CCDC178: variants seen among roughly 807,000 people sequenced by gnomAD.
CCDC178 encodes the protein coiled-coil domain-containing protein 178.
CCDC178 carries 126 observed loss-of-function variants against 117.4 expected under a neutral mutation model. That is an observed-to-expected ratio of 1.07 (90% CI 0.93 to 1.24). The LOEUF (loss-of-function observed/expected upper bound fraction) is 1.24. Among genes scored for constraint, CCDC178 ranks in the 50% most tolerant of loss-of-function variants. The pLI, the probability that CCDC178 is intolerant of heterozygous loss-of-function variation, is 0.00. For missense variants in CCDC178, 1,030 were observed against 986.9 expected, an observed-to-expected ratio of 1.04 and a Z score of -0.59; for synonymous variants, 283 against 313.4, an observed-to-expected ratio of 0.90 and a Z score of 1.02.
intron 15 of CCDC178, among the ~76,000 whole-genome samples, chr18:33,227,894 C>T (rs998901066): frequency 3.9e-5 from 6 of 151,966 alleles, no homozygotes; most frequent in South Asian, 2.1e-4. Context: ...TGCAACAATA[C>T]GTTTTGATAA....
At chr18:33,074,004 G>A (rs2145007260) in intron 21 of CCDC178, among the ~76,000 whole-genome samples, 1 of 152,100 alleles carries the variant, frequency 6.6e-6, no homozygotes, top group Admixed American at 6.6e-5. Context: ...CCCTATATTG[G>A]GAATGAGGCT....
At chr18:33,339,287 A>G (rs1435797681) in intron 9 of CCDC178, among the ~76,000 whole-genome samples, 3 of 152,114 alleles carry the variant, frequency 2.0e-5, no homozygotes, top group South Asian at 2.1e-4. Context: ...ATAGTAATCA[A>G]TAAAGGAAGC....
intron 5 of CCDC178, among the ~76,000 whole-genome samples, chr18:33,376,272 G>A (rs1351395050): frequency 6.6e-6 from 1 of 151,948 alleles, no homozygotes; most frequent in Non-Finnish European, 1.5e-5. Context: ...TGGTGTGTTG[G>A]GGGAGGGGCG....
chr18:33,183,874 C>T (rs1243861298), intron 20 of CCDC178, among the ~76,000 whole-genome samples: 2 of 152,054 alleles, frequency 1.3e-5, no homozygotes, highest in Non-Finnish European at 2.9e-5. Context: ...AGCAACAGAA[C>T]TTGTTATGAA....
At chr18:32,946,668 A>T (rs1033838901) in intron 22 of CCDC178, among the ~76,000 whole-genome samples, 2 of 149,684 alleles carry the variant, frequency 1.3e-5, no homozygotes, top group Non-Finnish European at 3.0e-5. Context: ...GAATTATAAT[A>T]ATTATTAACA....
intron 14 of CCDC178, among the ~76,000 whole-genome samples, chr18:33,262,032 G>A (rs1000215521): frequency 1.8e-4 from 27 of 151,958 alleles, no homozygotes; most frequent in Admixed American, 1.8e-3. Context: ...ACCAAACTAT[G>A]GGTTAGTAGA....
At chr18:33,435,844 C>T (rs1293119741) in intron 2 of CCDC178, among the ~76,000 whole-genome samples, 1 of 151,648 alleles carries the variant, frequency 6.6e-6, no homozygotes, top group East Asian at 1.9e-4. Flanking sequence ...AGAATGACTC[C>T]CATACCTCTG....
intron 20 of CCDC178, among the ~76,000 whole-genome samples, chr18:33,171,242 A>G (rs1190777284): frequency 1.3e-5 from 2 of 152,212 alleles, no homozygotes; most frequent in Admixed American, 1.3e-4. Context: ...AGCAGACACT[A>G]TTAAAAGGGA....
At chr18:33,049,099 C>T (rs576000808) in intron 21 of CCDC178, among the ~76,000 whole-genome samples, 5 of 152,114 alleles carry the variant, frequency 3.3e-5, no homozygotes, top group African/African-American at 1.2e-4. Flanking sequence ...AAAACTAAGA[C>T]CTAAAAAGGT....
intron 21 of CCDC178, among the ~76,000 whole-genome samples, chr18:33,065,393 TAAAAAG>T (rs980781606): frequency 3.9e-5 from 6 of 151,914 alleles, no homozygotes; most frequent in Non-Finnish European, 8.8e-5. Context: ...TTTATAATAA[TAAAAAG>T]AAAAAGAATG....
At chr18:33,179,078 A>AAAATATATATATATAT (rs71159804) in intron 20 of CCDC178, among the ~76,000 whole-genome samples, 1 of 55,850 alleles carries the variant, frequency 1.8e-5, no homozygotes, top group African/African-American at 1.1e-4. Flanking sequence ...AAAAAAAAAA[A>AAAATATATATATATAT]ATATATATAT....
chr18:33,203,737 G>C (rs1234196254), intron 20 of CCDC178, among the ~76,000 whole-genome samples: 1 of 152,036 alleles, frequency 6.6e-6, no homozygotes, highest in Admixed American at 6.6e-5. Context: ...TCCTTAAAAG[G>C]GTTCACATTA....
intron 2 of CCDC178, among the ~76,000 whole-genome samples, chr18:33,435,499 G>C (rs1300077963): frequency 6.6e-6 from 1 of 151,948 alleles, no homozygotes; most frequent in Non-Finnish European, 1.5e-5. Context: ...GATGATGCCA[G>C]AATAAATGAG....
chr18:32,970,564 C>T (rs2054904410), intron 22 of CCDC178, among the ~76,000 whole-genome samples: 1 of 151,894 alleles, frequency 6.6e-6, no homozygotes, highest in African/African-American at 2.4e-5. Flanking sequence ...GTCTGTTATG[C>T]AATTTTTAGT....
At chr18:33,348,790 A>C (rs1471682624) in intron 8 of CCDC178, 100 bp downstream of exon 8, 2 of 750,790 alleles carry the variant, frequency 2.7e-6, no homozygotes, top group African/African-American at 3.6e-5. Context: ...ATAATTATAA[A>C]ATTCTTAAAC....
At chr18:33,082,128 T>A (rs1474745114) in intron 21 of CCDC178, among the ~76,000 whole-genome samples, 1 of 152,150 alleles carries the variant, frequency 6.6e-6, no homozygotes, top group Non-Finnish European at 1.5e-5. Flanking sequence ...CCTCCCAAAA[T>A]CAATTAATTT....
intron 10 of CCDC178, among the ~76,000 whole-genome samples, chr18:33,326,927 T>C (rs551140122): frequency 6.6e-6 from 1 of 152,178 alleles, no homozygotes; most frequent in Non-Finnish European, 1.5e-5. Context: ...CATGTTGTAA[T>C]GCAGCAGCAT....
chr18:33,247,013 T>C (rs1423023208), intron 14 of CCDC178, among the ~76,000 whole-genome samples: 2 of 151,468 alleles, frequency 1.3e-5, no homozygotes, highest in African/African-American at 2.4e-5. Context: ...TGGAAAGAGA[T>C]AAACAAGAAG....
At chr18:33,153,677 A>C (rs1349778975) in intron 20 of CCDC178, among the ~76,000 whole-genome samples, 1 of 152,182 alleles carries the variant, frequency 6.6e-6, no homozygotes, top group Non-Finnish European at 1.5e-5. Flanking sequence ...AAAACAATTT[A>C]GAAGTCACAT....
Sources: allele counts gnomAD v4.1 joint callset (sites outside exome capture counted in the v4.1 genomes callset), GRCh38; gene constraint gnomAD v4.1.1; transcripts MANE v1.5; gene names NCBI Gene and HGNC (gene_info 2026-07-23, HGNC 2026-07-21).